AMBRA1: variants seen among roughly 807,000 people sequenced by gnomAD.
The protein encoded by AMBRA1 is autophagy and beclin 1 regulator 1, also known as activating molecule in BECN1-regulated autophagy protein 1.
AMBRA1 carries 47 observed loss-of-function variants against 125.4 expected under a neutral mutation model. The ratio of observed to expected loss-of-function variants is 0.37; its 90% CI spans 0.30 to 0.48. The LOEUF (loss-of-function observed/expected upper bound fraction) is 0.48, where lower values mean the gene tolerates loss of function less well. Ranked by LOEUF, AMBRA1 falls within the 20% of genes least tolerant of loss-of-function variation. The pLI, the probability that AMBRA1 is intolerant of heterozygous loss-of-function variation, is 0.99. For synonymous variants in AMBRA1, 626 were observed against 655.5 expected (o/e 0.95, Z 0.69); for missense variants, 1,331 against 1,693.4 (o/e 0.79, Z 3.76).
chr11:46,548,288 C>G lies in AMBRA1; in HGVS notation c.93G>C (p.Glu31Asp), dbSNP rs776334268. 6.2e-7 allele frequency: 1 copy of G among 1,614,180 alleles called. No homozygotes were observed. The highest frequency in any genetic ancestry group is 8.5e-7 in the Non-Finnish European group (1 of 1,180,026). ...TCCACCGGGTTTTATCTTCTACCAG[C>G]TCCTGCAGAAGCCGCTGAGCTCCCA... ...RAMGAQRLLQ[E>D]LVEDKTRWMK... Residue 31 changes from glutamate to aspartate, a missense_variant, in exon 2 of 18, where the codon GAG (glutamate) becomes GAC (aspartate). This residue lies in a region of AMBRA1 where 144 missense variants were observed against 250.4 expected (regional missense o/e 0.58). Coordinates refer to ENST00000683756, the MANE Select transcript of AMBRA1 (RefSeq NM_001387011.1).
chr11:46,539,805 T>C (rs932924895), intron 7 of AMBRA1, among the ~76,000 whole-genome samples: 3 of 151,680 alleles, frequency 2.0e-5, no homozygotes, highest in African/African-American at 4.8e-5. Flanking sequence ...ACCTAACACA[T>C]AGTAGGCCCT....
At chr11:46,529,714 T>C (rs1478595863) in intron 7 of AMBRA1, among the ~76,000 whole-genome samples, 2 of 152,162 alleles carry the variant, frequency 1.3e-5, no homozygotes, top group African/African-American at 4.8e-5. Context: ...GCCTGTTTTT[T>C]CAACAGAATC....
intron 7 of AMBRA1, among the ~76,000 whole-genome samples, chr11:46,535,996 C>T (rs563307142): frequency 2.4e-4 from 37 of 152,288 alleles, no homozygotes; most frequent in Middle Eastern, 3.4e-3. Context: ...GAAGGTGTGA[C>T]TTCCTTGTAC....
chr11:46,418,070 G>C lies in AMBRA1; in HGVS notation c.2977-18C>G, dbSNP rs1439534252. 4.0e-6 allele frequency: 6 copies of C among 1,514,206 alleles called. No homozygotes were observed. Among genetic ancestry groups the C allele is most frequent in the Middle Eastern group, 1.8e-4 (1 of 5,672 alleles). 93.8% of individuals were successfully genotyped at this position (1,514,206 alleles called of 1,614,324 possible). Reference sequence around the variant, plus strand: ...AAAACTCTCTAGGTAGAGGAAAAGAGGGAAAAAAAGAGAATGGGAGGAGAA... The same window carrying C: ...AAAACTCTCTAGGTAGAGGAAAAGACGGAAAAAAAGAGAATGGGAGGAGAA... On this transcript the variant is annotated intron_variant, in intron 14 of 17. Coordinates refer to ENST00000683756, the MANE Select transcript of AMBRA1 (RefSeq NM_001387011.1).
intron 1 of AMBRA1, among the ~76,000 whole-genome samples, chr11:46,583,195 C>T (rs538979848): frequency 1.9e-4 from 29 of 152,084 alleles, no homozygotes; most frequent in East Asian, 5.8e-4. Flanking sequence ...GAAATAATGC[C>T]GCATATCTAC....
chr11:46,449,936 G>A (rs1948490952), intron 11 of AMBRA1, among the ~76,000 whole-genome samples: 1 of 151,920 alleles, frequency 6.6e-6, no homozygotes, highest in Non-Finnish European at 1.5e-5. Flanking sequence ...GCGCATATCT[G>A]TAATCCCAGC....
chr11:46,415,940 A>C (rs181539702), intron 15 of AMBRA1, among the ~76,000 whole-genome samples: 191 of 152,364 alleles, frequency 1.3e-3, no homozygotes, highest in Middle Eastern at 3.4e-3. Context: ...TGACTGACAC[A>C]AAGTAGGCAG....
intron 9 of AMBRA1, among the ~76,000 whole-genome samples, chr11:46,496,044 G>A (rs183855510): frequency 6.6e-6 from 1 of 152,092 alleles, no homozygotes; most frequent in African/African-American, 2.4e-5. Context: ...TTCAAGGTCA[G>A]CCTGGGCAAC....
chr11:46,428,505 C>A, intron 14 of AMBRA1: 1 of 737,828 alleles, frequency 1.4e-6, no homozygotes. Flanking sequence ...AAGCAAACTA[C>A]GCCTGGTGAG....
chr11:46,434,231 C>A (rs1353770954), intron 13 of AMBRA1, among the ~76,000 whole-genome samples: 2 of 150,858 alleles, frequency 1.3e-5, no homozygotes, highest in African/African-American at 2.4e-5. Context: ...CCACCTTTTT[C>A]ATTTAATACA....
intron 7 of AMBRA1, among the ~76,000 whole-genome samples, chr11:46,540,185 G>A (rs994659673): frequency 2.6e-5 from 4 of 152,124 alleles, no homozygotes; most frequent in African/African-American, 9.7e-5. Flanking sequence ...AAACCACTCA[G>A]GAATTTCTCA....
chr11:46,401,433 G>A (rs1565117895), intron 17 of AMBRA1, among the ~76,000 whole-genome samples: 1 of 152,174 alleles, frequency 6.6e-6, no homozygotes, highest in Non-Finnish European at 1.5e-5. Context: ...TAGAGACAGT[G>A]TTTCATCATG....
Position 46,491,698 on chromosome 11 carries a change from C to A in AMBRA1, c.2521+1910G>T, listed in dbSNP as rs192743102. On this transcript the variant is annotated intron_variant, in intron 11 of 17. Transcript: ENST00000683756. ...GTGAGGTTCTAGGGAGTCTAGAGTT[C>A]CTTCTCCTAATGGCATTCTGCATCC... 8.1e-3 allele frequency among the ~76,000 whole-genome samples: 1,236 copies of A among 152,262 alleles called. 5 individuals are homozygous for A. The highest frequency in any genetic ancestry group is 0.013 in the Non-Finnish European group (862 of 68,024).
At chr11:46,432,672 G>A (rs556958971) in intron 14 of AMBRA1, among the ~76,000 whole-genome samples, 64 of 152,322 alleles carry the variant, frequency 4.2e-4, no homozygotes, top group African/African-American at 1.5e-3. Context: ...ACGCTACACA[G>A]CTAAAGAAGA....
chr11:46,577,654 AAAG>A (rs1012197455), intron 1 of AMBRA1, among the ~76,000 whole-genome samples: 1 of 152,172 alleles, frequency 6.6e-6, no homozygotes, highest in Non-Finnish European at 1.5e-5. Flanking sequence ...AAAAAAGAAA[AAAG>A]AAAAAAAATT....
intron 16 of AMBRA1, among the ~76,000 whole-genome samples, chr11:46,408,966 C>T (rs79447200): frequency 0.018 from 2,740 of 152,362 alleles, 87 homozygotes; most frequent in African/African-American, 0.063. Context: ...CAGTCATGCC[C>T]TTCAACAACA....
intron 14 of AMBRA1, among the ~76,000 whole-genome samples, chr11:46,428,254 A>G (rs1947256272): frequency 6.6e-6 from 1 of 152,166 alleles, no homozygotes; most frequent in African/African-American, 2.4e-5. Context: ...CCTACGAACT[A>G]TTGATTTGTC....
At chr11:46,421,149 C>T (rs1010773934) in intron 14 of AMBRA1, among the ~76,000 whole-genome samples, 9 of 152,110 alleles carry the variant, frequency 5.9e-5, no homozygotes, top group African/African-American at 1.9e-4. Flanking sequence ...ATGAACCCAG[C>T]TTAGGTGAGA....
In AMBRA1 at chr11:46,573,102, A is replaced by C. The variant is rs77473419; in HGVS notation, c.-121+20726T>G. ...GGCAACAAGAGCAAAACTCTGTCTC[A>C]AAAAAAAAAAAAAGGATTCTGGCCA... On this transcript the variant is annotated intron_variant, in intron 1 of 17. Transcript: ENST00000683756. Among the ~76,000 whole-genome samples, 20 of 92,882 alleles carry C rather than the reference A, an allele frequency of 2.2e-4. No homozygotes were observed. In the East Asian group the frequency reaches 4.2e-3, roughly 20 times the overall value. The allele number at this position is 92,882 out of a possible 152,430, so 60.9% of individuals were successfully genotyped here.
Sources: gnomAD v4.1 joint callset for allele counts (sites outside exome capture counted in the v4.1 genomes callset) on GRCh38, gnomAD v4.1.1 for gene constraint, gnomAD v4.1.1 regional missense constraint, MANE v1.5 for transcripts, NCBI Gene and HGNC (gene_info 2026-07-23, HGNC 2026-07-21) for gene names.